The following LPAR1 variants were observed in gnomAD, a reference collection of about 807,000 sequenced individuals.
LPAR1 encodes the protein lysophosphatidic acid receptor 1, also known as LPA receptor 1.
Under a neutral mutation model 23.8 loss-of-function variants are expected in LPAR1, and 5 were observed. That is an observed-to-expected ratio of 0.21 (90% CI 0.11 to 0.44). LPAR1 has a LOEUF of 0.44. Among genes scored for constraint, LPAR1 ranks in the 20% least tolerant of loss-of-function variants. The pLI, the probability that LPAR1 is intolerant of heterozygous loss-of-function variation, is 0.99. For synonymous variants in LPAR1, 160 were observed against 164.7 expected (o/e 0.97, Z 0.22); for missense variants, 311 against 482.8 (o/e 0.64, Z 3.33).
chr9:110,881,191 T>C (rs1180651642), intron 5 of LPAR1, among the ~76,000 whole-genome samples: 1 of 152,230 alleles, frequency 6.6e-6, no homozygotes, highest in African/African-American at 2.4e-5. Flanking sequence ...TTACTCCATC[T>C]AGTTTGGTGT....
rs747404175 is a variant in LPAR1 at position 110,941,566 on chromosome 9, C to T, written c.648G>A (p.Val216=). 1.9e-6 allele frequency: 3 copies of T among 1,614,164 alleles called. No homozygotes were observed. In the Admixed American group the frequency reaches 5.0e-5, roughly 27 times the overall value. The change falls in exon 5 of 6, where the codon GTG becomes GTA. Residue 216 remains valine, a synonymous_variant. Coordinates refer to ENST00000683809, the MANE Select transcript of LPAR1 (RefSeq NM_001351411.2). The surrounding 1 kb of genome is among the most constrained non-coding windows in gnomAD (Gnocchi z 6.1). ...YLVFWAIFNL[V]TFVVMVVLYA... is the part of the protein sequence containing the mutation. ...AGAGAACCACCATTACCACAAAGGT[C>T]ACCAAGTTGAAAATGGCCCAGAAGA... is the stretch of plus-strand genomic sequence containing the variant.
intron 4 of LPAR1, among the ~76,000 whole-genome samples, chr9:110,957,438 T>C (rs1031986533): frequency 4.6e-5 from 7 of 151,806 alleles, no homozygotes; most frequent in African/African-American, 1.5e-4. Context: ...GTTCAACATA[T>C]GCAAATCAAT....
At chr9:110,895,726 C>T (rs1421894414) in intron 5 of LPAR1, among the ~76,000 whole-genome samples, 1 of 152,124 alleles carries the variant, frequency 6.6e-6, no homozygotes, top group African/African-American at 2.4e-5. Context: ...TGGACCCCAC[C>T]CTCCAGAAAC....
intron 4 of LPAR1, among the ~76,000 whole-genome samples, chr9:110,959,369 A>T (rs944724830): frequency 6.6e-6 from 1 of 151,996 alleles, no homozygotes; most frequent in African/African-American, 2.4e-5. Flanking sequence ...TCATTTCAGC[A>T]CTTTAGGGGG....
intron 4 of LPAR1, among the ~76,000 whole-genome samples, chr9:110,961,360 C>T (rs1379571675): frequency 6.6e-6 from 1 of 151,700 alleles, no homozygotes; most frequent in African/African-American, 2.4e-5. Context: ...GTGGCTCACA[C>T]CTGTAATCCC....
chr9:111,038,722 T>TG (rs1564409607), upstream of LPAR1: 2 of 449,166 alleles, frequency 4.5e-6, no homozygotes, highest in South Asian at 3.1e-5. The surrounding 1 kb of genome is among the most constrained non-coding windows in gnomAD (Gnocchi z 4.4). Context: ...CAGCCCACGG[T>TG]GGTGGCAGGG....
intron 5 of LPAR1, among the ~76,000 whole-genome samples, chr9:110,920,000 A>C (rs953174145): frequency 1.3e-5 from 2 of 152,228 alleles, no homozygotes; most frequent in African/African-American, 2.4e-5. Flanking sequence ...CAGAATCAGC[A>C]AACTTTGTAT....
intron 2 of LPAR1, among the ~76,000 whole-genome samples, chr9:111,021,380 C>T (rs1412962055): frequency 1.3e-5 from 2 of 152,064 alleles, no homozygotes; most frequent in Non-Finnish European, 2.9e-5. Context: ...TTCACATAAG[C>T]CCATTTCTTA....
At chr9:110,985,481 A>G (rs561221645) in intron 2 of LPAR1, among the ~76,000 whole-genome samples, 1 of 152,230 alleles carries the variant, frequency 6.6e-6, no homozygotes, top group Admixed American at 6.5e-5. Context: ...CAACTAGCCC[A>G]TCCTGCGCAC....
In LPAR1 at chr9:110,941,339, G is replaced by T; in HGVS notation, c.793+82C>A. 2 of 1,266,206 alleles carry T rather than the reference G, an allele frequency of 1.6e-6. No individual in the cohort carries two copies. Among genetic ancestry groups the T allele is most frequent in the Non-Finnish European group, 2.2e-6 (2 of 915,146 alleles). 78.4% of individuals were successfully genotyped at this position (1,266,206 alleles called of 1,614,324 possible). A position where few individuals can be genotyped will look rare whatever the true frequency, so the allele number is the denominator to read the frequency against. ...TTACCTGGTGAATATTCATACTGTTGGTTACCTCTGACATAAAATAATGTG... is the reference window on the plus strand; with the variant it reads ...TTACCTGGTGAATATTCATACTGTTTGTTACCTCTGACATAAAATAATGTG... On this transcript the variant is annotated intron_variant, in intron 5 of 5. Coordinates refer to ENST00000683809, the MANE Select transcript of LPAR1 (RefSeq NM_001351411.2). This position sits in a 1 kb window ranked among gnomAD's most constrained non-coding sequence, Gnocchi z 6.1.
At chr9:110,957,969 A>G (rs2095818906) in intron 4 of LPAR1, among the ~76,000 whole-genome samples, 1 of 152,168 alleles carries the variant, frequency 6.6e-6, no homozygotes, top group Non-Finnish European at 1.5e-5. Flanking sequence ...AAAGAAGGCA[A>G]TCCCCTTTCC....
At position 110,884,755 on chromosome 9, in the gene LPAR1, G is replaced by A. The variant is rs140147310; in HGVS notation, c.794-9033C>T. 2.8e-3 allele frequency among the ~76,000 whole-genome samples: 432 copies of A among 152,166 alleles called. 1 individual carries two copies. The highest frequency in any genetic ancestry group is 9.8e-3 in the African/African-American group (407 of 41,504). On this transcript the variant is annotated intron_variant, in intron 5 of 5. Coordinates refer to ENST00000683809, the MANE Select transcript of LPAR1 (RefSeq NM_001351411.2). Reference sequence around the variant, plus strand: ...CAATTTTATCTATAGTCTCACATTCGTCTTTAGATTAAGGAAATATCCTAT... The same window carrying A: ...CAATTTTATCTATAGTCTCACATTCATCTTTAGATTAAGGAAATATCCTAT...
intron 4 of LPAR1, among the ~76,000 whole-genome samples, chr9:110,966,540 G>A (rs1396000137): frequency 6.6e-6 from 1 of 150,958 alleles, no homozygotes; most frequent in African/African-American, 2.4e-5. Flanking sequence ...AACTACCATG[G>A]CACATGTATA....
intron 2 of LPAR1, among the ~76,000 whole-genome samples, chr9:111,005,981 T>G (rs563973414): frequency 6.6e-6 from 1 of 152,322 alleles, no homozygotes. Context: ...TGCTGGACTT[T>G]GAGCTTCCTG....
chr9:110,997,391 G>C (rs2097034178), intron 2 of LPAR1, among the ~76,000 whole-genome samples: 1 of 152,078 alleles, frequency 6.6e-6, no homozygotes, highest in Non-Finnish European at 1.5e-5. Context: ...AAAGCAAAAG[G>C]GAAAATGAAG....
chr9:110,974,985 C>T (rs1446293257), intron 2 of LPAR1, among the ~76,000 whole-genome samples: 3 of 151,926 alleles, frequency 2.0e-5, no homozygotes, highest in Non-Finnish European at 4.4e-5. Flanking sequence ...TTGCCCACTC[C>T]TACTTTCATT....
At chr9:110,897,020 C>A (rs949368324) in intron 5 of LPAR1, among the ~76,000 whole-genome samples, 3 of 152,086 alleles carry the variant, frequency 2.0e-5, no homozygotes, top group Non-Finnish European at 2.9e-5. Context: ...ATCTCCTGAC[C>A]TCATGATCTG....
chr9:111,023,801 A>G (rs548916767), intron 2 of LPAR1, among the ~76,000 whole-genome samples: 4 of 152,306 alleles, frequency 2.6e-5, no homozygotes, highest in African/African-American at 9.6e-5. Flanking sequence ...TTATCATAGG[A>G]AAAAATAGAA....
chr9:110,957,385 T>C (rs1296255622), intron 4 of LPAR1, among the ~76,000 whole-genome samples: 1 of 151,140 alleles, frequency 6.6e-6, no homozygotes, highest in Non-Finnish European at 1.5e-5. Context: ...CCATGCACCA[T>C]GCACCATGAT....
Sources: gnomAD v4.1 joint callset for allele counts (sites outside exome capture counted in the v4.1 genomes callset) on GRCh38, gnomAD v4.1.1 for gene constraint, Gnocchi (gnomAD v3.1) non-coding constraint, MANE v1.5 for transcripts, NCBI Gene and HGNC (gene_info 2026-07-23, HGNC 2026-07-21) for gene names.